Variants in CAMKMT observed in about 807,000 individuals in gnomAD.
CAMKMT encodes calmodulin-lysine N-methyltransferase, also known as CaM KMT.
Under a neutral mutation model 48.0 loss-of-function variants are expected in CAMKMT, and 53 were observed. The observed-to-expected ratio is 1.10, with a 90% CI of 0.89 to 1.39. CAMKMT has a LOEUF of 1.39. Among genes scored for constraint, CAMKMT ranks in the 40% most tolerant of loss-of-function variants. The probability of loss-of-function intolerance (pLI) is 0.00; values close to 1 mark genes in which losing one functional copy is unlikely to be tolerated. For synonymous variants in CAMKMT, 165 were observed against 152.3 expected (o/e 1.08, Z -0.61); for missense variants, 428 against 402.7 (o/e 1.06, Z -0.54).
intron 3 of CAMKMT, among the ~76,000 whole-genome samples, chr2:44,568,433 A>G (rs539314497): frequency 6.6e-6 from 1 of 152,360 alleles, no homozygotes; most frequent in Admixed American, 6.5e-5. Flanking sequence ...AGCTTAGGGC[A>G]GAAATATGAG....
chr2:44,448,321 G>A (rs1288158045), intron 3 of CAMKMT, among the ~76,000 whole-genome samples: 1 of 152,116 alleles, frequency 6.6e-6, no homozygotes, highest in Non-Finnish European at 1.5e-5. Context: ...TCAAACCTGT[G>A]TTGTTCAAGG....
chr2:44,504,260 C>T (rs981671237), intron 3 of CAMKMT, among the ~76,000 whole-genome samples: 1 of 152,080 alleles, frequency 6.6e-6, no homozygotes, highest in Non-Finnish European at 1.5e-5. Context: ...CCCTATCTTC[C>T]CCCAGAATCC....
intron 3 of CAMKMT, among the ~76,000 whole-genome samples, chr2:44,418,954 C>G (rs1286392135): frequency 6.6e-6 from 1 of 151,904 alleles, no homozygotes; most frequent in Non-Finnish European, 1.5e-5. Context: ...CAGGTCTTGC[C>G]TATATTTTGT....
chr2:44,436,460 G>A (rs1417448470), intron 3 of CAMKMT, among the ~76,000 whole-genome samples: 2 of 152,252 alleles, frequency 1.3e-5, no homozygotes, highest in East Asian at 3.9e-4. Flanking sequence ...GGCATGCTAG[G>A]CTGGGATCAT....
At chr2:44,456,869 C>G in intron 3 of CAMKMT, 1 of 359,650 alleles carries the variant, frequency 2.8e-6, no homozygotes, top group Non-Finnish European at 5.0e-6. Flanking sequence ...GGGATACTAA[C>G]TCTTAACTCA....
At chr2:44,478,111 A>C (rs565369699) in intron 3 of CAMKMT, among the ~76,000 whole-genome samples, 5 of 152,366 alleles carry the variant, frequency 3.3e-5, no homozygotes, top group East Asian at 1.9e-4. Flanking sequence ...CAAAGATCTG[A>C]ATATACTTAA....
chr2:44,590,319 T>G (rs1335959101), intron 3 of CAMKMT, among the ~76,000 whole-genome samples: 1 of 152,236 alleles, frequency 6.6e-6, no homozygotes, highest in Non-Finnish European at 1.5e-5. Flanking sequence ...CTCAAAGAGT[T>G]TGAGAAAGAA....
chr2:44,691,624 G>C (rs1268274096), intron 3 of CAMKMT, among the ~76,000 whole-genome samples: 3 of 152,088 alleles, frequency 2.0e-5, no homozygotes, highest in Non-Finnish European at 4.4e-5. Flanking sequence ...CTCAGCTCAG[G>C]TCAGTTGGCA....
At chr2:44,385,200 T>A (rs1286226730) in intron 2 of CAMKMT, among the ~76,000 whole-genome samples, 1 of 152,172 alleles carries the variant, frequency 6.6e-6, no homozygotes, top group African/African-American at 2.4e-5. Context: ...TTTTGACGTC[T>A]TGGTTAGGTA....
intron 3 of CAMKMT, among the ~76,000 whole-genome samples, chr2:44,590,597 T>A (rs1454269411): frequency 6.6e-6 from 1 of 152,338 alleles, no homozygotes; most frequent in East Asian, 1.9e-4. Context: ...CACTTTTTGA[T>A]GGGGTTGTTT....
At chr2:44,362,886 G>A (rs566407435) in intron 1 of CAMKMT, among the ~76,000 whole-genome samples, 115 of 152,228 alleles carry the variant, frequency 7.6e-4, no homozygotes, top group African/African-American at 2.6e-3. Flanking sequence ...CACATTCTTC[G>A]CTCACTTCTT....
intron 3 of CAMKMT, among the ~76,000 whole-genome samples, chr2:44,623,562 G>A (rs1672312579): frequency 6.6e-6 from 1 of 152,112 alleles, no homozygotes; most frequent in South Asian, 2.1e-4. Context: ...TGTTACCCCA[G>A]CACCATTTAT....
intron 2 of CAMKMT, among the ~76,000 whole-genome samples, chr2:44,374,804 AGTGTT>A (rs976847972): frequency 4.2e-4 from 64 of 152,228 alleles, no homozygotes; most frequent in African/African-American, 1.5e-3. Context: ...ACTGAGCTAA[AGTGTT>A]GGCTTCATTG....
At chr2:44,650,136 T>C (rs2104032637) in intron 3 of CAMKMT, among the ~76,000 whole-genome samples, 1 of 152,328 alleles carries the variant, frequency 6.6e-6, no homozygotes, top group African/African-American at 2.4e-5. Flanking sequence ...TTCTGGAGGC[T>C]AGAAGTCCAA....
intron 3 of CAMKMT, among the ~76,000 whole-genome samples, chr2:44,502,278 G>T (rs1670045492): frequency 8.1e-6 from 1 of 123,400 alleles, no homozygotes; most frequent in Non-Finnish European, 1.8e-5. Flanking sequence ...TCCCAACTTA[G>T]ATTTGAATTG....
intron 3 of CAMKMT, among the ~76,000 whole-genome samples, chr2:44,602,567 G>T (rs139211533): frequency 6.6e-6 from 1 of 152,042 alleles, no homozygotes; most frequent in Admixed American, 6.5e-5. Flanking sequence ...ATGAAGAAAA[G>T]AGATTTAATT....
intron 3 of CAMKMT, among the ~76,000 whole-genome samples, chr2:44,435,184 T>G (rs1160199525): frequency 1.3e-5 from 2 of 152,176 alleles, no homozygotes; most frequent in Non-Finnish European, 2.9e-5. Context: ...ACCACTAGTA[T>G]TTTTGGTCCC....
intron 3 of CAMKMT, among the ~76,000 whole-genome samples, chr2:44,415,230 A>G (rs963011725): frequency 2.0e-5 from 3 of 152,228 alleles, no homozygotes; most frequent in South Asian, 2.1e-4. Flanking sequence ...TAGGCCTGGT[A>G]TGTACAACTG....
chr2:44,627,284 A>G (rs942120717), intron 3 of CAMKMT, among the ~76,000 whole-genome samples: 2 of 152,142 alleles, frequency 1.3e-5, no homozygotes, highest in African/African-American at 4.8e-5. Flanking sequence ...TTAGGATTAT[A>G]TGATTTTATT....
Sources: gnomAD v4.1 joint callset for allele counts (sites outside exome capture counted in the v4.1 genomes callset) on GRCh38, gnomAD v4.1.1 for gene constraint, MANE v1.5 for transcripts, NCBI Gene and HGNC (gene_info 2026-07-23, HGNC 2026-07-21) for gene names.